Variants in DNAAF5 observed in about 807,000 individuals in gnomAD.
DNAAF5 encodes dynein axonemal assembly factor 5.
In DNAAF5, 64 loss-of-function variants were observed where a neutral mutation model predicts 75.8. The ratio of observed to expected loss-of-function variants is 0.84; its 90% confidence interval spans 0.69 to 1.04. The LOEUF is 1.04. Ranked by LOEUF, DNAAF5 falls within the 50% of genes least tolerant of loss-of-function variation. DNAAF5 has a pLI of 0.00. For missense variants in DNAAF5, 1,269 were observed against 1,178.5 expected (o/e 1.08, Z -1.12); for synonymous variants, 657 against 557.2 (o/e 1.18, Z -2.52).
intron 1 of DNAAF5, among the ~76,000 whole-genome samples, chr7:729,283 C>G (rs559112152): frequency 2.6e-5 from 4 of 152,348 alleles, no homozygotes; most frequent in South Asian, 2.1e-4. Flanking sequence ...GGCCTCGCCT[C>G]TGTCTTCTGG....
chr7:767,497 TGTAA>T (rs1031462614), intron 8 of DNAAF5, among the ~76,000 whole-genome samples: 7 of 152,220 alleles, frequency 4.6e-5, no homozygotes, highest in African/African-American at 1.7e-4. Flanking sequence ...TAATAGAAAT[TGTAA>T]GTGACCCAAA....
chr7:747,339 G>C (rs958245951), intron 4 of DNAAF5, among the ~76,000 whole-genome samples: 8 of 152,202 alleles, frequency 5.3e-5, no homozygotes, highest in African/African-American at 1.9e-4. Flanking sequence ...ACACGGTGTT[G>C]GTGTCCAGTG....
chr7:778,369 G>A (rs1778831542), intron 11 of DNAAF5: 1 of 152,250 alleles, frequency 6.6e-6, no homozygotes, highest in Non-Finnish European at 1.5e-5. Flanking sequence ...TGAAGTGTTG[G>A]ATGAATCATG....
At chr7:741,816 G>A (rs927419074) in intron 4 of DNAAF5, among the ~76,000 whole-genome samples, 1 of 152,196 alleles carries the variant, frequency 6.6e-6, no homozygotes, top group Admixed American at 6.5e-5. Context: ...CTGGGTTCCT[G>A]GGCAGCTCTG....
chr7:769,147 G>C (rs1327955469), intron 8 of DNAAF5: 1 of 772,162 alleles, frequency 1.3e-6, no homozygotes, highest in Admixed American at 1.7e-5. Context: ...AGCCTGCTCT[G>C]ATGACTGGCG....
chr7:775,416 C>A (rs556841110), intron 11 of DNAAF5, among the ~76,000 whole-genome samples: 8 of 152,230 alleles, frequency 5.3e-5, no homozygotes, highest in African/African-American at 1.9e-4. Context: ...GCTGGTGGCA[C>A]ACACCTGTAG....
intron 5 of DNAAF5, among the ~76,000 whole-genome samples, chr7:755,217 A>C (rs1455643625): frequency 6.6e-6 from 1 of 152,008 alleles, no homozygotes; most frequent in Admixed American, 6.6e-5. Context: ...GGGCTGTGGG[A>C]GCACCCAGAC....
At chr7:736,772 C>G (rs1781751748) in intron 2 of DNAAF5, among the ~76,000 whole-genome samples, 1 of 152,074 alleles carries the variant, frequency 6.6e-6, no homozygotes, top group South Asian at 2.1e-4. Flanking sequence ...GTGGTCTGCT[C>G]TTCCTTCCTT....
chr7:785,085 G>T lies in DNAAF5; in HGVS notation c.2432-432G>T, dbSNP rs117783693. 2.2e-3 allele frequency among the ~76,000 whole-genome samples: 333 copies of T among 152,194 alleles called. 9 individuals carry two copies. In the East Asian group the frequency reaches 0.058, roughly 27 times the overall value. ...CGTTATGACTACTGTGCACCCATCC[G>T]CTGCATCAGGTCGCTCGTGTCCACA... On this transcript the variant is annotated intron_variant, in intron 12 of 12. Transcript: ENST00000297440.
At chr7:743,103 G>A (rs563875877) in intron 4 of DNAAF5, among the ~76,000 whole-genome samples, 4 of 152,302 alleles carry the variant, frequency 2.6e-5, no homozygotes, top group South Asian at 2.1e-4. Flanking sequence ...AGTAGCTCAC[G>A]CCTGTATCCC....
chr7:758,198 C>T (rs935172259), intron 6 of DNAAF5, among the ~76,000 whole-genome samples: 2 of 152,240 alleles, frequency 1.3e-5, no homozygotes, highest in African/African-American at 4.8e-5. Context: ...TATGAGGATG[C>T]CTTTGATTTC....
rs933641552 is a variant in DNAAF5 at position 785,614 on chromosome 7, G to C, written c.2529G>C (p.Gln843His). ...ACCGCTCGGCCACCTACTGCGAGCA[G>C]CTCCTGCAGCATGTGCAGGCCGTGC... ...HKHRSATYCEQLLQHVQAVPA... is the reference protein window; with the variant it reads ...HKHRSATYCEHLLQHVQAVPA... Residue 843 changes from glutamine to histidine, a missense_variant, in exon 13 of 13, where the codon CAG (glutamine) becomes CAC (histidine). Coordinates refer to ENST00000297440, the MANE Select transcript of DNAAF5 (RefSeq NM_017802.4). 2.5e-6 allele frequency: 4 copies of C among 1,613,002 alleles called. No individual in the cohort carries two copies. In the African/African-American group the frequency reaches 4.0e-5, roughly 16 times the overall value.
At position 754,893 on chromosome 7, in the gene DNAAF5, G is replaced by A. The variant is rs745805938; in HGVS notation, c.1257+72G>A. The stretch of plus-strand genomic sequence containing the variant: ...TTAAGATCCCGCCTCTGTGGTGTGC[G>A]GGGCCCGAGGCTGTACTGTAGCCAA... On this transcript the variant is annotated intron_variant, in intron 5 of 12. Transcript: ENST00000297440. The surrounding 1 kb of genome is among the most constrained non-coding windows in gnomAD (Gnocchi z 4.8). The A allele has an allele frequency of 5.3e-5, 63 of 1,196,006 alleles. No homozygotes were observed. The highest frequency in any genetic ancestry group is 2.8e-4 in the Middle Eastern group (1 of 3,616). The allele number at this position is 1,196,006 out of a possible 1,614,324, so 74.1% of individuals were successfully genotyped here.
At chr7:776,871 C>G (rs555028069) in intron 11 of DNAAF5, among the ~76,000 whole-genome samples, 1 of 152,344 alleles carries the variant, frequency 6.6e-6, no homozygotes, top group Non-Finnish European at 1.5e-5. Context: ...AGCGAAACTT[C>G]ATCTGTGTTT....
chr7:766,361 AAC>A (rs1218118713), intron 8 of DNAAF5, among the ~76,000 whole-genome samples: 2 of 152,118 alleles, frequency 1.3e-5, no homozygotes, highest in African/African-American at 2.4e-5. Context: ...AAAGGATTAA[AAC>A]AATTTTTTAA....
rs899682066 is a variant in DNAAF5 at position 740,810 on chromosome 7, C to T, written c.781-9C>T. 1 of 1,613,330 alleles carries T rather than the reference C, an allele frequency of 6.2e-7. No homozygotes were observed. Among genetic ancestry groups the T allele is most frequent in the African/African-American group, 1.3e-5 (1 of 74,940 alleles). Reference sequence around the variant, plus strand: ...TACACGAATCCTTATCCCTTCCTCTCATGCGCAGGTCCGGCGGGCGGTGGC... The same window carrying T: ...TACACGAATCCTTATCCCTTCCTCTTATGCGCAGGTCCGGCGGGCGGTGGC... On this transcript the variant is annotated splice_polypyrimidine_tract_variant and intron_variant, in intron 2 of 12. Transcript: ENST00000297440.
At chr7:757,192 C>G (rs1447387380) in intron 6 of DNAAF5, among the ~76,000 whole-genome samples, 198 bp downstream of exon 6, 1 of 152,254 alleles carries the variant, frequency 6.6e-6, no homozygotes, top group Non-Finnish European at 1.5e-5. Context: ...GGAGTGCCCT[C>G]GCTGATAGCC....
chr7:736,871 G>A (rs2128071502), intron 2 of DNAAF5, among the ~76,000 whole-genome samples: 1 of 151,600 alleles, frequency 6.6e-6, no homozygotes, highest in East Asian at 1.9e-4. Flanking sequence ...ATCTGTTGTG[G>A]CGTTTTTTAT....
At chr7:777,082 G>A (rs1778786351) in intron 11 of DNAAF5, among the ~76,000 whole-genome samples, 1 of 152,194 alleles carries the variant, frequency 6.6e-6, no homozygotes, top group South Asian at 2.1e-4. Context: ...CTAGTTGCAG[G>A]AAAACAAGCT....
Sources: gnomAD v4.1 joint callset for allele counts (sites outside exome capture counted in the v4.1 genomes callset) on GRCh38, gnomAD v4.1.1 for gene constraint, Gnocchi (gnomAD v3.1) non-coding constraint, MANE v1.5 for transcripts, NCBI Gene and HGNC (gene_info 2026-07-23, HGNC 2026-07-21) for gene names.